The following GDAP2 variants were observed in gnomAD, a reference collection of about 807,000 sequenced individuals.
GDAP2 encodes the protein ganglioside induced differentiation associated protein 2.
In GDAP2, 51 loss-of-function variants were observed where a neutral mutation model predicts 67.0. The observed-to-expected ratio is 0.76, with a 90% CI of 0.61 to 0.96. The LOEUF (loss-of-function observed/expected upper bound fraction) is 0.96, where lower values mean the gene tolerates loss of function less well. Among genes scored for constraint, GDAP2 ranks in the 40% least tolerant of loss-of-function variants. The pLI is 0.00. For missense variants in GDAP2, 547 were observed against 588.3 expected (o/e 0.93, Z 0.73); for synonymous variants, 203 against 207.3 (o/e 0.98, Z 0.18).
At position 117,881,475 on chromosome 1, in the gene GDAP2, G is replaced by A. The variant is rs546633633; in HGVS notation, c.1302+348C>T. On this transcript the variant is annotated intron_variant, in intron 12 of 13. Coordinates refer to ENST00000369443, the MANE Select transcript of GDAP2 (RefSeq NM_017686.4). ...ACTAGCTGCAGGATTGGTCAGGGAAGGATTTCTACAGAAAGTACAGCTGAG... is the reference window on the plus strand; with the variant it reads ...ACTAGCTGCAGGATTGGTCAGGGAAAGATTTCTACAGAAAGTACAGCTGAG... 1.1e-3 allele frequency among the ~76,000 whole-genome samples: 168 copies of A among 152,272 alleles called. 1 individual carries two copies. In the Middle Eastern group the frequency reaches 0.017, roughly 15 times the overall value.
intron 5 of GDAP2, among the ~76,000 whole-genome samples, chr1:117,907,750 C>T (rs888234470): frequency 6.6e-6 from 1 of 152,160 alleles, no homozygotes; most frequent in Non-Finnish European, 1.5e-5. Context: ...CTCTTAACTG[C>T]TCTCCTTGCG....
Position 117,870,451 on chromosome 1 carries a change from G to C in GDAP2, c.*118C>G. On this transcript the variant is annotated 3_prime_UTR_variant, in exon 14 of 14. Coordinates refer to ENST00000369443, the MANE Select transcript of GDAP2 (RefSeq NM_017686.4). ...ATACAGTCAATAAAAAAATACCAGA[G>C]AGGTGGGGACAAAAGGCTCTCTGGA... The C allele has an allele frequency of 1.4e-6, 1 of 721,008 alleles. No individual in the cohort carries two copies. The highest frequency in any genetic ancestry group is 2.5e-5 in the East Asian group (1 of 39,464). The allele number at this position is 721,008 out of a possible 1,614,324, so 44.7% of individuals were successfully genotyped here.
intron 6 of GDAP2, among the ~76,000 whole-genome samples, chr1:117,900,904 C>CA (rs1386350411): frequency 6.6e-6 from 1 of 150,578 alleles, no homozygotes; most frequent in Non-Finnish European, 1.5e-5. Context: ...ACTAAAAATA[C>CA]AAAAAATTAG....
intron 10 of GDAP2, 100 bp downstream of exon 10, chr1:117,886,477 T>C (rs967698485): frequency 1.1e-5 from 8 of 709,812 alleles, no homozygotes; most frequent in Non-Finnish European, 2.1e-5. Context: ...TGATACACAA[T>C]TCAGCCTTGA....
Position 117,890,772 on chromosome 1 carries a change from T to G in GDAP2, c.954-2998A>C, listed in dbSNP as rs548511241. Among the ~76,000 whole-genome samples, 8 of 152,248 alleles carry G rather than the reference T, an allele frequency of 5.3e-5. No homozygotes were observed. The South Asian group carries it at 1.7e-3, about 32-fold the overall frequency. On this transcript the variant is annotated intron_variant, in intron 8 of 13. Transcript: ENST00000369443. ...TAAGACATTATTTTTTGTTTGTTTC[T>G]AACTATTTAAAAAAGCTTATCATGC...
intron 7 of GDAP2, among the ~76,000 whole-genome samples, chr1:117,897,934 A>G (rs563483849): frequency 1.4e-4 from 22 of 152,340 alleles, no homozygotes; most frequent in African/African-American, 5.3e-4. Flanking sequence ...TAAGAACACT[A>G]CGGCCTATAT....
chr1:117,903,319 G>A (rs1649546140), intron 6 of GDAP2, among the ~76,000 whole-genome samples: 1 of 152,106 alleles, frequency 6.6e-6, no homozygotes, highest in African/African-American at 2.4e-5. Flanking sequence ...ATGTTGAATA[G>A]AACTGGCAAG....
chr1:117,918,509 AT>A (rs780602519), intron 3 of GDAP2, 87 bp downstream of exon 3: 1 of 950,580 alleles, frequency 1.1e-6, no homozygotes, highest in Non-Finnish European at 1.6e-6. Flanking sequence ...CATCTACAAA[AT>A]TTTCCCACAA....
Position 117,864,547 on chromosome 1 carries a change from C to T in GDAP2, c.*6022G>A, listed in dbSNP as rs1336935198. ...ACAATTTCATTTTGTCAAAACATCA[C>T]TATTTAATACTATTTTAAATTTTAT... On this transcript the variant is annotated 3_prime_UTR_variant, in exon 14 of 14. Transcript: ENST00000369443. 2.0e-5 allele frequency: 3 copies of T among 152,178 alleles called. No individual in the cohort carries two copies. The highest frequency in any genetic ancestry group is 4.4e-5 in the Non-Finnish European group (3 of 68,036). 9.4% of individuals were successfully genotyped at this position (152,178 alleles called of 1,614,324 possible).
intron 6 of GDAP2, among the ~76,000 whole-genome samples, chr1:117,903,113 T>G (rs1649539275): frequency 6.6e-6 from 1 of 152,336 alleles, no homozygotes; most frequent in African/African-American, 2.4e-5. Flanking sequence ...CATATTGATC[T>G]TATGTCCTGT....
chr1:117,887,755 G>A lies in GDAP2; in HGVS notation c.973C>T (p.Gln325Ter), dbSNP rs1249180219. The A allele has an allele frequency of 1.3e-6, 2 of 1,567,506 alleles. No homozygotes were observed. The highest frequency in any genetic ancestry group is 1.8e-6 in the Non-Finnish European group (2 of 1,138,440). The part of the protein sequence containing the change: ...HQRNYNRWLC[Q>*]ARSEDLSDIA... ...TCAGACAGATCCTCAGATCTTGCTTGACATAACCAGCGATTATAACTAGGG... is the reference window on the plus strand; with the variant it reads ...TCAGACAGATCCTCAGATCTTGCTTAACATAACCAGCGATTATAACTAGGG... The change falls in exon 9 of 14, where the codon CAA becomes TAA. Residue 325 changes from glutamine (Q) to a stop codon, truncating the protein, a stop_gained. Coordinates refer to ENST00000369443, the MANE Select transcript of GDAP2 (RefSeq NM_017686.4). LOFTEE classifies it high-confidence loss of function.
chr1:117,923,263 T>A (rs761733738), intron 1 of GDAP2, among the ~76,000 whole-genome samples: 9 of 152,228 alleles, frequency 5.9e-5, no homozygotes, highest in Admixed American at 1.3e-4. Flanking sequence ...ATCCTCAGCT[T>A]ATGAAGATGA....
intron 5 of GDAP2, among the ~76,000 whole-genome samples, chr1:117,911,715 TA>T (rs1649862240): frequency 6.6e-6 from 1 of 151,588 alleles, no homozygotes; most frequent in Non-Finnish European, 1.5e-5. Flanking sequence ...CACAATCACT[TA>T]ATCAATGAAT....
chr1:117,923,311 A>G (rs1220375899), intron 1 of GDAP2, among the ~76,000 whole-genome samples: 1 of 152,260 alleles, frequency 6.6e-6, no homozygotes, highest in Non-Finnish European at 1.5e-5. Context: ...AGGAAATCAC[A>G]AGAGTATTGA....
In GDAP2 at chr1:117,868,280, C is replaced by T. The variant is rs955772906; in HGVS notation, c.*2289G>A. On this transcript the variant is annotated 3_prime_UTR_variant, in exon 14 of 14. Coordinates refer to ENST00000369443, the MANE Select transcript of GDAP2 (RefSeq NM_017686.4). ...CTATAAAAGCATGAACTTGGTCCCACATCAAATTTAGTTTCAGTGAGAAGA... is the reference window on the plus strand; with the variant it reads ...CTATAAAAGCATGAACTTGGTCCCATATCAAATTTAGTTTCAGTGAGAAGA... 39 of 152,174 alleles carry T rather than the reference C, an allele frequency of 2.6e-4. No individual in the cohort carries two copies. Among genetic ancestry groups the T allele is most frequent in the African/African-American group, 8.4e-4 (35 of 41,422 alleles). The allele number at this position is 152,174 out of a possible 1,614,324, so 9.4% of individuals were successfully genotyped here.
At chr1:117,919,693 T>C (rs1371933717) in intron 2 of GDAP2, among the ~76,000 whole-genome samples, 1 of 152,190 alleles carries the variant, frequency 6.6e-6, no homozygotes, top group African/African-American at 2.4e-5. Flanking sequence ...TTATATTGTA[T>C]ATGAATAGTA....
Position 117,920,403 on chromosome 1 carries a change from C to A in GDAP2, c.-46G>T, listed in dbSNP as rs1230401124. 7 of 1,213,500 alleles carry A rather than the reference C, an allele frequency of 5.8e-6. No homozygotes were observed. The African/African-American group carries it at 7.6e-5, about 13-fold the overall frequency. 75.2% of individuals were successfully genotyped at this position (1,213,500 alleles called of 1,614,324 possible). On this transcript the variant is annotated 5_prime_UTR_variant, in exon 2 of 14. The change abolishes the stop of an existing upstream ORF in the 5' untranslated region. Coordinates refer to ENST00000369443, the MANE Select transcript of GDAP2 (RefSeq NM_017686.4). ...TCTTTTCCCAAAATCCTCAGCAATT[C>A]AATATTCACTGGAGACTTTAGCTTT... is the stretch of plus-strand genomic sequence containing the variant.
chr1:117,876,841 C>T (rs936857682), intron 13 of GDAP2, among the ~76,000 whole-genome samples: 1 of 152,104 alleles, frequency 6.6e-6, no homozygotes, highest in African/African-American at 2.4e-5. Context: ...ATATTTCTAT[C>T]CCAGAAAATA....
intron 13 of GDAP2, among the ~76,000 whole-genome samples, chr1:117,874,921 G>A (rs1648402937): frequency 6.6e-6 from 1 of 152,148 alleles, no homozygotes; most frequent in African/African-American, 2.4e-5. Context: ...GGTACCCTAC[G>A]GTATCTGCTG....
Sources: allele counts gnomAD v4.1 joint callset (sites outside exome capture counted in the v4.1 genomes callset), GRCh38; gene constraint gnomAD v4.1.1; transcripts MANE v1.5; gene names NCBI Gene and HGNC (gene_info 2026-07-23, HGNC 2026-07-21).